EPHA6: variants seen among roughly 807,000 people sequenced by gnomAD.
The protein encoded by EPHA6 is EPH receptor A6.
In EPHA6, 50 loss-of-function variants were observed where a neutral mutation model predicts 112.0. The ratio of observed to expected loss-of-function variants is 0.45; its 90% CI spans 0.36 to 0.56. The LOEUF (loss-of-function observed/expected upper bound fraction) is 0.56. Among genes scored for constraint, EPHA6 ranks in the 20% least tolerant of loss-of-function variants. The probability of loss-of-function intolerance (pLI) is 0.00; values close to 1 mark genes in which losing one functional copy is unlikely to be tolerated. For synonymous variants in EPHA6, 529 were observed against 490.7 expected, an observed-to-expected ratio of 1.08 and a Z score of -1.03; for missense variants, 1,280 against 1,417.4, an observed-to-expected ratio of 0.90 and a Z score of 1.56.
chr3:97,646,374 C>T lies in EPHA6; in HGVS notation c.2784+8292C>T, dbSNP rs550643363. 2.3e-5 allele frequency: 26 copies of T among 1,115,322 alleles called. No homozygotes were observed. In the African/African-American group the frequency reaches 3.2e-4, roughly 14 times the overall value. 69.1% of individuals were successfully genotyped at this position (1,115,322 alleles called of 1,614,324 possible). ...GTAATATATAAGACAGTATTGTCCA[C>T]ATTTCAAAATACACTAAAGTAAATG... On this transcript the variant is annotated intron_variant, in intron 14 of 17. Coordinates refer to ENST00000389672, the MANE Select transcript of EPHA6 (RefSeq NM_001080448.3).
rs780648943 is a variant in EPHA6 at position 97,720,320 on chromosome 3, C to T, written c.2844C>T (p.Ser948=). ...APEAIAYRKF[S]SASDAWSYGI... ...AAGCCATCGCCTACAGAAAATTCTC[C>T]TCAGCAAGCGATGCATGGAGCTATG... Residue 948 remains serine (S), a synonymous_variant, in exon 15 of 18, where the codon TCC becomes TCT. Transcript: ENST00000389672. 1 of 1,610,680 alleles carries T rather than the reference C, an allele frequency of 6.2e-7. No individual in the cohort carries two copies. Among genetic ancestry groups the T allele is most frequent in the Non-Finnish European group, 8.5e-7 (1 of 1,178,636 alleles).
chr3:97,276,756 A>G (rs373755738), intron 5 of EPHA6, among the ~76,000 whole-genome samples: 6 of 152,286 alleles, frequency 3.9e-5, no homozygotes, highest in African/African-American at 1.2e-4. Context: ...GGTTGCTGCC[A>G]AATGAGCCAT....
intron 11 of EPHA6, among the ~76,000 whole-genome samples, chr3:97,547,082 G>A (rs750380934): frequency 1.8e-4 from 27 of 152,196 alleles, no homozygotes; most frequent in Non-Finnish European, 3.1e-4. Flanking sequence ...GTCATTCTCC[G>A]TCCATCTTTG....
intron 3 of EPHA6, among the ~76,000 whole-genome samples, chr3:97,063,107 A>T (rs1221496665): frequency 6.6e-6 from 1 of 152,126 alleles, no homozygotes; most frequent in Non-Finnish European, 1.5e-5. Flanking sequence ...CGGTGGGAGT[A>T]TAAATTAGCT....
chr3:97,738,989 T>C (rs529739343), intron 16 of EPHA6, among the ~76,000 whole-genome samples: 2 of 152,106 alleles, frequency 1.3e-5, no homozygotes, highest in Admixed American at 6.6e-5. Context: ...CCACCCACTC[T>C]GTTCCTGATT....
intron 2 of EPHA6, among the ~76,000 whole-genome samples, chr3:96,875,079 T>C (rs1164159214): frequency 6.6e-6 from 1 of 152,100 alleles, no homozygotes; most frequent in Non-Finnish European, 1.5e-5. Context: ...TTTTCTTAAA[T>C]TCCTTTTATC....
chr3:97,348,493 T>G (rs181410628), intron 5 of EPHA6, among the ~76,000 whole-genome samples: 1 of 152,142 alleles, frequency 6.6e-6, no homozygotes, highest in East Asian at 1.9e-4. Context: ...AGTTTTTTTT[T>G]TATTAGGTAG....
intron 11 of EPHA6, among the ~76,000 whole-genome samples, chr3:97,535,864 G>A (rs1037992155): frequency 6.6e-6 from 1 of 151,976 alleles, no homozygotes; most frequent in South Asian, 2.1e-4. Flanking sequence ...ATCTCATATA[G>A]GATTTATCTC....
At chr3:97,093,584 C>T (rs572035890) in intron 3 of EPHA6, among the ~76,000 whole-genome samples, 10 of 151,930 alleles carry the variant, frequency 6.6e-5, no homozygotes, top group East Asian at 3.9e-4. Context: ...CGGGATAATA[C>T]GCCTGAATGA....
intron 5 of EPHA6, among the ~76,000 whole-genome samples, chr3:97,332,427 G>C (rs796237975): frequency 7.5e-4 from 114 of 152,084 alleles, no homozygotes; most frequent in African/African-American, 2.4e-3. Context: ...GCAGGAGAAG[G>C]AAATAAAGGG....
rs1258213308 is a variant in EPHA6, at chr3:97,751,650, GACTT to G, written c.*2953_*2956del. ...GAAAATTTTACATGAAACATTTTGA[GACTT>G]ACTAGTGTAAATTTTAGGTAATTAA... is the stretch of plus-strand genomic sequence containing the variant. On this transcript the variant is annotated 3_prime_UTR_variant, in exon 18 of 18. Transcript: ENST00000389672. Among the ~76,000 whole-genome samples, 2 of 152,026 alleles carry G rather than the reference GACTT, an allele frequency of 1.3e-5. No individual in the cohort carries two copies. The highest frequency in any genetic ancestry group is 4.8e-5 in the African/African-American group (2 of 41,410).
intron 2 of EPHA6, among the ~76,000 whole-genome samples, chr3:96,921,595 T>C (rs1027319281): frequency 6.6e-6 from 1 of 151,828 alleles, no homozygotes; most frequent in Non-Finnish European, 1.5e-5. Flanking sequence ...TTTTTTTTTT[T>C]CAAGACTCTG....
At chr3:97,493,179 T>C (rs1211340034) in intron 10 of EPHA6, among the ~76,000 whole-genome samples, 1 of 152,082 alleles carries the variant, frequency 6.6e-6, no homozygotes, top group Non-Finnish European at 1.5e-5. Flanking sequence ...TATACATACG[T>C]ACATGTAAAT....
chr3:96,881,107 T>C (rs764156856), intron 2 of EPHA6, among the ~76,000 whole-genome samples: 3 of 152,170 alleles, frequency 2.0e-5, no homozygotes, highest in Non-Finnish European at 2.9e-5. Flanking sequence ...CTGTTTTCCA[T>C]AGTGGCTGAA....
intron 6 of EPHA6, among the ~76,000 whole-genome samples, chr3:97,436,588 C>A (rs554571453): frequency 6.6e-6 from 1 of 152,154 alleles, no homozygotes; most frequent in East Asian, 1.9e-4. Flanking sequence ...GTTTTGTGGC[C>A]GATTTGGACA....
At chr3:97,470,197 A>G (rs1423473826) in intron 7 of EPHA6, among the ~76,000 whole-genome samples, 4 of 151,694 alleles carry the variant, frequency 2.6e-5, no homozygotes, top group Non-Finnish European at 5.9e-5. Flanking sequence ...TGATTTCTAT[A>G]CATGATCTGA....
chr3:97,712,524 T>A (rs1165668113), intron 14 of EPHA6, among the ~76,000 whole-genome samples: 4 of 152,196 alleles, frequency 2.6e-5, no homozygotes, highest in African/African-American at 9.7e-5. Context: ...GCAGTTCTCA[T>A]AATAAAGTAC....
In EPHA6 at chr3:97,127,803, A is replaced by G. The variant is rs566822216; in HGVS notation, c.1115-98461A>G. Reference sequence around the variant, plus strand: ...AGCGTGTCATATTTGGACATAGTGTATCCTGAATCCCATCAGGACCATTCT... The same window carrying G: ...AGCGTGTCATATTTGGACATAGTGTGTCCTGAATCCCATCAGGACCATTCT... On this transcript the variant is annotated intron_variant, in intron 3 of 17. Transcript: ENST00000389672. 6.6e-5 allele frequency among the ~76,000 whole-genome samples: 10 copies of G among 151,474 alleles called. No individual in the cohort carries two copies. The South Asian group carries it at 2.1e-3, about 32-fold the overall frequency.
chr3:96,891,125 T>C (rs80182437), intron 2 of EPHA6, among the ~76,000 whole-genome samples: 4,235 of 152,212 alleles, frequency 0.028, 202 homozygotes, highest in African/African-American at 0.094. Flanking sequence ...ACCTGGCTAT[T>C]CTACCTCTAG....
Sources: gnomAD v4.1 joint callset for allele counts (sites outside exome capture counted in the v4.1 genomes callset) on GRCh38, gnomAD v4.1.1 for gene constraint, MANE v1.5 for transcripts, NCBI Gene and HGNC (gene_info 2026-07-23, HGNC 2026-07-21) for gene names.